Variants in TMEM17 observed in about 807,000 individuals in gnomAD.
TMEM17 encodes the protein transmembrane protein 17.
In TMEM17, 15 loss-of-function variants were observed where a neutral mutation model predicts 19.1. The ratio of observed to expected loss-of-function variants is 0.78; its 90% confidence interval spans 0.52 to 1.21. The LOEUF (loss-of-function observed/expected upper bound fraction) is 1.21. Among genes scored for constraint, TMEM17 ranks in the 50% most tolerant of loss-of-function variants. The pLI, the probability that TMEM17 is intolerant of heterozygous loss-of-function variation, is 0.00. For missense variants in TMEM17, 245 were observed against 242.3 expected, an observed-to-expected ratio of 1.01 and a Z score of -0.07; for synonymous variants, 103 against 86.9, an observed-to-expected ratio of 1.19 and a Z score of -1.03.
At chr2:62,470,068 C>T in the TMEM17 span, among the ~76,000 whole-genome samples, 1 of 152,172 alleles carries the variant, frequency 6.6e-6, no homozygotes, top group South Asian at 2.1e-4. Context: ...CAGCAAGCTG[C>T]TCCTTCCTTC....
the TMEM17 span, chr2:62,463,714 C>T: frequency 6.6e-6 from 1 of 152,196 alleles, no homozygotes; most frequent in African/African-American, 2.4e-5. Context: ...CACCCTCAAG[C>T]TGAAAAGCCT....
chr2:62,497,032 T>C (rs962168374), downstream of TMEM17, among the ~76,000 whole-genome samples: 2 of 152,192 alleles, frequency 1.3e-5, no homozygotes, highest in African/African-American at 4.8e-5. Context: ...TTTCATTGTG[T>C]TTACTCTTAT....
At chr2:62,463,397 A>G in the TMEM17 span, 1 of 152,262 alleles carries the variant, frequency 6.6e-6, no homozygotes, top group African/African-American at 2.4e-5. Context: ...CAAAATCACC[A>G]TTAGACCAAC....
chr2:62,470,476 C>A, the TMEM17 span, among the ~76,000 whole-genome samples: 1 of 152,206 alleles, frequency 6.6e-6, no homozygotes, highest in Non-Finnish European at 1.5e-5. Flanking sequence ...TGGGCTCATG[C>A]CACAGCCTGT....
the TMEM17 span, among the ~76,000 whole-genome samples, chr2:62,494,148 G>T: frequency 2.0e-5 from 3 of 152,142 alleles, no homozygotes; most frequent in Non-Finnish European, 2.9e-5. Context: ...TTTTCGTCCT[G>T]GAGTGTCAAA....
the TMEM17 span, among the ~76,000 whole-genome samples, chr2:62,476,660 T>C: frequency 3.3e-5 from 5 of 152,128 alleles, no homozygotes; most frequent in Non-Finnish European, 7.3e-5. Context: ...TTAAAAGAGA[T>C]GGAAAAGAAG....
the TMEM17 span, among the ~76,000 whole-genome samples, chr2:62,479,359 C>T: frequency 2.0e-5 from 3 of 152,192 alleles, no homozygotes; most frequent in Non-Finnish European, 2.9e-5. Context: ...TCACTAAACA[C>T]AATGTCCTCC....
At chr2:62,502,991 A>G (rs36006708) in intron 1 of TMEM17, among the ~76,000 whole-genome samples, 197 bp from the exon 2 acceptor site, 17,357 of 152,218 alleles carry the variant, frequency 0.11, 1,234 homozygotes, top group Admixed American at 0.15. Context: ...ATTTGGGGGT[A>G]CGTTTCATAT....
chr2:62,497,592 T>G (rs997679615), downstream of TMEM17, among the ~76,000 whole-genome samples: 1 of 152,246 alleles, frequency 6.6e-6, no homozygotes, highest in African/African-American at 2.4e-5. Context: ...GTCATTCATT[T>G]AGATGTCTCT....
the TMEM17 span, among the ~76,000 whole-genome samples, chr2:62,463,682 G>T: frequency 6.6e-6 from 1 of 152,154 alleles, no homozygotes; most frequent in African/African-American, 2.4e-5. Context: ...AGGCAGAAAA[G>T]AGCGGGTCCC....
chr2:62,472,273 G>T, the TMEM17 span, among the ~76,000 whole-genome samples: 1 of 152,178 alleles, frequency 6.6e-6, no homozygotes, highest in African/African-American at 2.4e-5. Flanking sequence ...GTCACAAACA[G>T]CTCCCTTTCC....
chr2:62,497,843 C>T (rs543822664), downstream of TMEM17, among the ~76,000 whole-genome samples: 3 of 152,284 alleles, frequency 2.0e-5, no homozygotes, highest in African/African-American at 7.2e-5. Context: ...AGGGAAGATG[C>T]GCTGGAAGCC....
chr2:62,501,520 C>G (rs749364798), intron 3 of TMEM17, 33 bp from the exon 4 acceptor site: 1 of 1,577,590 alleles, frequency 6.3e-7, no homozygotes, highest in South Asian at 1.2e-5. Flanking sequence ...TAATAAAAAT[C>G]AGTAAAATAC....
chr2:62,459,997 A>G, the TMEM17 span, among the ~76,000 whole-genome samples: 1 of 152,214 alleles, frequency 6.6e-6, no homozygotes. Context: ...TTCCTTATGC[A>G]AGCAAAGTAA....
rs78110679 is a variant in TMEM17, at chr2:62,506,066, A to T, written c.64T>A (p.Ser22Thr). Residue 22 changes from serine (S) to threonine (T), a missense_variant, in exon 1 of 4, where the codon TCC becomes ACC. Transcript: ENST00000335390. ...GNFSRAVFSDSNRTGPESNEG... is the reference protein window; with the variant it reads ...GNFSRAVFSDTNRTGPESNEG... ...TTGGACTCTGGACCGGTCCGATTGG[A>T]ATCACTGAACACGGCCCGGCTGAAG... The T allele has an allele frequency of 0.079, 127,195 of 1,610,230 alleles. 5,508 individuals carry two copies. The highest frequency in any genetic ancestry group is 0.11 in the African/African-American group (8,565 of 74,606).
the TMEM17 span, among the ~76,000 whole-genome samples, chr2:62,464,809 T>C: frequency 1.5e-4 from 23 of 152,120 alleles, no homozygotes; most frequent in Non-Finnish European, 2.8e-4. Context: ...GATGAAATCA[T>C]AGGGAGTTGA....
At position 62,501,453 on chromosome 2, in the gene TMEM17, A is replaced by C; in HGVS notation, c.353T>G (p.Leu118Arg). 6.2e-7 allele frequency: 1 copy of C among 1,613,590 alleles called. No homozygotes were observed. The highest frequency in any genetic ancestry group is 1.7e-5 in the Admixed American group (1 of 59,928). ...AAGAATTAAAGGTAACTGCAATAGA[A>C]GGCTCAAAAGCCAAAAGCCAGCCAA... Reference protein sequence around the residue: ...PELAGFWLLSLLLQLPLILFL... With the variant: ...PELAGFWLLSRLLQLPLILFL... The change falls in exon 4 of 4, where the codon CTT (leucine) becomes CGT (arginine). Residue 118 changes from leucine to arginine, a missense_variant. Transcript: ENST00000335390.
the TMEM17 span, among the ~76,000 whole-genome samples, chr2:62,485,388 A>G: frequency 6.6e-6 from 1 of 152,112 alleles, no homozygotes; most frequent in Admixed American, 6.6e-5. Context: ...TTGTATATGT[A>G]TTATCTTACT....
chr2:62,471,436 A>C, the TMEM17 span, among the ~76,000 whole-genome samples: 1 of 83,970 alleles, frequency 1.2e-5, no homozygotes, highest in Admixed American at 1.2e-4. Flanking sequence ...TCTGTTTCTA[A>C]GACTGATGAC....
Sources: allele counts gnomAD v4.1 joint callset (sites outside exome capture counted in the v4.1 genomes callset), GRCh38; gene constraint gnomAD v4.1.1; transcripts MANE v1.5; gene names NCBI Gene and HGNC (gene_info 2026-07-23, HGNC 2026-07-21).